The following PLD5 variants were observed in gnomAD, a reference collection of about 807,000 sequenced individuals.
The protein encoded by PLD5 is inactive phospholipase D5.
PLD5 carries 36 observed loss-of-function variants against 61.1 expected under a neutral mutation model. The ratio of observed to expected loss-of-function variants is 0.59; its 90% CI spans 0.45 to 0.78. The LOEUF (loss-of-function observed/expected upper bound fraction) is 0.78. Among genes scored for constraint, PLD5 ranks in the 30% least tolerant of loss-of-function variants. PLD5 has a pLI of 0.00. For synonymous variants in PLD5, 243 were observed against 242.8 expected (o/e 1.00, Z -0.01); for missense variants, 515 against 644.4 (o/e 0.80, Z 2.17).
chr1:242,412,421 T>C (rs2149290070), intron 1 of PLD5, among the ~76,000 whole-genome samples: 1 of 152,338 alleles, frequency 6.6e-6, no homozygotes, highest in Admixed American at 6.5e-5. Flanking sequence ...TTTCTTGGTG[T>C]AAGAAAAAGT....
rs532054245 is a variant in PLD5, at chr1:242,442,141, A to C, written c.189+81947T>G. Among the ~76,000 whole-genome samples the C allele has an allele frequency of 3.3e-4, 51 of 152,334 alleles. No individual in the cohort carries two copies. In the South Asian group the frequency reaches 0.01, roughly 31 times the overall value. On this transcript the variant is annotated intron_variant, in intron 1 of 9. Transcript: ENST00000536534. The stretch of plus-strand genomic sequence containing the variant: ...AGGGCATGGACTCGGTTGCCCAGTG[A>C]TTTAAAAAATACCTTGGCCGATGCC...
At position 242,089,782 on chromosome 1, in the gene PLD5, G is replaced by GT. The variant is rs957477266; in HGVS notation, c.*71dup. The stretch of plus-strand genomic sequence containing the variant: ...CCTAAAAAAAGAGACATATTAAAGT[G>GT]TTTTTTCTCTCCTCAAGTCCTTTAT... On this transcript the variant is annotated 3_prime_UTR_variant, in exon 10 of 10. Coordinates refer to ENST00000536534, the MANE Select transcript of PLD5 (RefSeq NM_001372062.1). 1.0e-5 allele frequency: 16 copies of GT among 1,574,020 alleles called. No homozygotes were observed. The Admixed American group carries it at 1.1e-4, about 11-fold the overall frequency.
rs1428436464 is a variant in PLD5 at position 242,265,443 on chromosome 1, T to C, written c.501A>G (p.Gln167=). 12 of 1,603,912 alleles carry C rather than the reference T, an allele frequency of 7.5e-6. No homozygotes were observed. The highest frequency in any genetic ancestry group is 1.3e-5 in the African/African-American group (1 of 74,494). ...GCTGGAGCAACTTTTCAAAAAGACG[T>C]TGACCCTGGAAAAAATATTCAGAGA... The part of the protein sequence containing the change: ...NHTHPSACQG[Q]RLFEKLLQLT... The change falls in exon 4 of 10, where the codon CAA becomes CAG. Residue 167 remains glutamine (Q), a synonymous_variant. Coordinates refer to ENST00000536534, the MANE Select transcript of PLD5 (RefSeq NM_001372062.1).
At chr1:242,096,683 G>GTT (rs76435237) in intron 9 of PLD5, among the ~76,000 whole-genome samples, 2 of 129,812 alleles carry the variant, frequency 1.5e-5, no homozygotes, top group Admixed American at 7.6e-5. Flanking sequence ...AGTCTTTTTT[G>GTT]TTTTTTTTTT....
At chr1:242,326,207 G>C (rs900348967) in intron 2 of PLD5, among the ~76,000 whole-genome samples, 1 of 152,060 alleles carries the variant, frequency 6.6e-6, no homozygotes, top group African/African-American at 2.4e-5. Context: ...AAATTACTCA[G>C]GTTGTTCATG....
chr1:242,439,356 C>T (rs923266642), intron 1 of PLD5, among the ~76,000 whole-genome samples: 7 of 152,106 alleles, frequency 4.6e-5, no homozygotes, highest in African/African-American at 1.7e-4. Flanking sequence ...TCAGGGTTTC[C>T]CATTCATCCA....
intron 1 of PLD5, among the ~76,000 whole-genome samples, chr1:242,466,375 C>T (rs533331561): frequency 1.3e-5 from 2 of 152,058 alleles, no homozygotes; most frequent in African/African-American, 4.8e-5. Flanking sequence ...ATAGTGACTG[C>T]TAGTGAGAAA....
intron 1 of PLD5, among the ~76,000 whole-genome samples, chr1:242,459,338 T>C (rs1428461999): frequency 6.6e-6 from 1 of 152,188 alleles, no homozygotes; most frequent in African/African-American, 2.4e-5. Context: ...CTTACCTGCT[T>C]TACCCGATGC....
chr1:242,529,565 C>G (rs1386655207), upstream of PLD5, among the ~76,000 whole-genome samples: 1 of 152,176 alleles, frequency 6.6e-6, no homozygotes, highest in Non-Finnish European at 1.5e-5. Flanking sequence ...TGGCTCAACT[C>G]TAAATGCCTT....
intron 4 of PLD5, among the ~76,000 whole-genome samples, chr1:242,241,431 G>C (rs987094242): frequency 6.6e-6 from 1 of 152,102 alleles, no homozygotes; most frequent in Non-Finnish European, 1.5e-5. Flanking sequence ...TGAACACTAT[G>C]TTCTTTTCTT....
At chr1:242,360,923 A>G (rs1337483078) in intron 1 of PLD5, among the ~76,000 whole-genome samples, 1 of 152,158 alleles carries the variant, frequency 6.6e-6, no homozygotes, top group Non-Finnish European at 1.5e-5. Flanking sequence ...TCCAGAAGAT[A>G]CTCTAACCAG....
intron 1 of PLD5, among the ~76,000 whole-genome samples, chr1:242,475,449 A>G (rs1192107701): frequency 6.6e-6 from 1 of 151,562 alleles, no homozygotes; most frequent in Non-Finnish European, 1.5e-5. Context: ...AAAGAAAACA[A>G]TAAAAGAAAG....
Position 242,410,121 on chromosome 1 carries a change from C to T in PLD5, c.190-61879G>A, listed in dbSNP as rs112798471. ...CTAACTGCTGTTAGGGGGTTTTGGGCGACGACTATTTCTGGCTACTTCTTG... is the reference window on the plus strand; with the variant it reads ...CTAACTGCTGTTAGGGGGTTTTGGGTGACGACTATTTCTGGCTACTTCTTG... On this transcript the variant is annotated intron_variant, in intron 1 of 9. Coordinates refer to ENST00000536534, the MANE Select transcript of PLD5 (RefSeq NM_001372062.1). 6.7e-3 allele frequency among the ~76,000 whole-genome samples: 1,027 copies of T among 152,214 alleles called. 7 individuals are homozygous for T. The highest frequency in any genetic ancestry group is 0.017 in the Middle Eastern group (5 of 294).
intron 1 of PLD5, among the ~76,000 whole-genome samples, chr1:242,356,562 G>C (rs912120939): frequency 6.6e-6 from 1 of 152,028 alleles, no homozygotes; most frequent in Non-Finnish European, 1.5e-5. Flanking sequence ...TTCATTCAAG[G>C]TTACTGTTGC....
At chr1:242,186,935 G>A (rs2840623) in intron 5 of PLD5, among the ~76,000 whole-genome samples, 4 of 152,164 alleles carry the variant, frequency 2.6e-5, no homozygotes, top group African/African-American at 9.7e-5. Flanking sequence ...AACATTCATC[G>A]TGAGATAGGT....
intron 4 of PLD5, among the ~76,000 whole-genome samples, chr1:242,226,249 C>T (rs1280182274): frequency 1.3e-5 from 2 of 152,116 alleles, no homozygotes; most frequent in African/African-American, 2.4e-5. Flanking sequence ...CAGCCCCTGA[C>T]CCATTGCCCA....
upstream of PLD5, among the ~76,000 whole-genome samples, chr1:242,527,381 C>T (rs1669473314): frequency 6.6e-6 from 1 of 152,054 alleles, no homozygotes; most frequent in Non-Finnish European, 1.5e-5. Context: ...AGTGACCTGC[C>T]CGCCTCGGCC....
At chr1:242,498,670 G>C (rs139690828) in intron 1 of PLD5, among the ~76,000 whole-genome samples, 1 of 152,248 alleles carries the variant, frequency 6.6e-6, no homozygotes, top group East Asian at 1.9e-4. Flanking sequence ...TCTTACAGAG[G>C]CTTTCCCTAA....
At chr1:242,399,923 C>G (rs1207313866) in intron 1 of PLD5, among the ~76,000 whole-genome samples, 1 of 152,170 alleles carries the variant, frequency 6.6e-6, no homozygotes, top group Non-Finnish European at 1.5e-5. Context: ...AATCCCAGCA[C>G]TTTGGGAGGC....
Sources: allele counts gnomAD v4.1 joint callset (sites outside exome capture counted in the v4.1 genomes callset), GRCh38; gene constraint gnomAD v4.1.1; transcripts MANE v1.5; gene names NCBI Gene and HGNC (gene_info 2026-07-23, HGNC 2026-07-21).